The following SLC5A4 variants were observed in gnomAD, a reference collection of about 807,000 sequenced individuals.
The protein encoded by SLC5A4 is solute carrier family 5 member 4.
SLC5A4 carries 55 observed loss-of-function variants against 70.3 expected under a neutral mutation model. The observed-to-expected ratio is 0.78, with a 90% CI of 0.63 to 0.98. The LOEUF (loss-of-function observed/expected upper bound fraction) is 0.98. SLC5A4 is among the 50% of genes least tolerant of loss of function. The pLI is 0.00. For missense variants in SLC5A4, 735 were observed against 839.2 expected (o/e 0.88, Z 1.53); for synonymous variants, 268 against 305.7 (o/e 0.88, Z 1.29).
chr22:32,339,422 G>A, the SLC5A4 span, among the ~76,000 whole-genome samples: 1 of 152,170 alleles, frequency 6.6e-6, no homozygotes, highest in Non-Finnish European at 1.5e-5. Flanking sequence ...GTTGCCCACT[G>A]GCCCGTAGAC....
At chr22:32,311,576 G>A in the SLC5A4 span, among the ~76,000 whole-genome samples, 9 of 152,308 alleles carry the variant, frequency 5.9e-5, no homozygotes, top group Middle Eastern at 3.4e-3. Context: ...AATTCAAAGC[G>A]GGTGGATTTC....
intron 10 of SLC5A4, among the ~76,000 whole-genome samples, chr22:32,230,526 G>C (rs1213170118): frequency 6.6e-6 from 1 of 152,148 alleles, no homozygotes; most frequent in Non-Finnish European, 1.5e-5. Flanking sequence ...AGATTAAATA[G>C]ATTGAGATCT....
At chr22:32,230,913 C>G in intron 10 of SLC5A4, 55 bp downstream of exon 10, 3 of 1,067,892 alleles carry the variant, frequency 2.8e-6, no homozygotes, top group Non-Finnish European at 4.4e-6. Flanking sequence ...AACCCTTCCT[C>G]GAGGCCCGTC....
the SLC5A4 span, among the ~76,000 whole-genome samples, chr22:32,304,589 A>G: frequency 6.6e-6 from 1 of 152,052 alleles, no homozygotes; most frequent in East Asian, 1.9e-4. Context: ...CTGTTTTCTT[A>G]TGGTTGAGTT....
At chr22:32,233,464 A>T (rs892422312) in intron 8 of SLC5A4, among the ~76,000 whole-genome samples, 2 of 152,182 alleles carry the variant, frequency 1.3e-5, no homozygotes, top group East Asian at 3.9e-4. Context: ...GGACGGAATA[A>T]ACTAAGAAAG....
the SLC5A4 span, among the ~76,000 whole-genome samples, chr22:32,290,240 C>T: frequency 6.6e-6 from 1 of 152,124 alleles, no homozygotes; most frequent in Non-Finnish European, 1.5e-5. Flanking sequence ...CTAATGCTCT[C>T]CCTCCCCTTG....
chr22:32,323,954 C>T, the SLC5A4 span, among the ~76,000 whole-genome samples: 1 of 152,128 alleles, frequency 6.6e-6, no homozygotes, highest in Non-Finnish European at 1.5e-5. Flanking sequence ...CCGACTTTGG[C>T]AGAGGCCTCC....
At chr22:32,335,763 A>G in the SLC5A4 span, among the ~76,000 whole-genome samples, 1 of 152,090 alleles carries the variant, frequency 6.6e-6, no homozygotes, top group Non-Finnish European at 1.5e-5. Context: ...GACAGACTCA[A>G]TCCCAGAGCT....
chr22:32,234,921 A>C lies in SLC5A4; in HGVS notation c.837T>G (p.Ile279Met), dbSNP rs1403115148. 1.2e-6 allele frequency: 2 copies of C among 1,613,800 alleles called. No individual in the cohort carries two copies. Among genetic ancestry groups the C allele is most frequent in the East Asian group, 4.5e-5 (2 of 44,880 alleles). ...AVTGDIPWPG[I>M]IFGMPITALW... is the part of the protein sequence containing the mutation. The stretch of plus-strand genomic sequence containing the variant: ...AAGCTGTAATGGGCATTCCAAATAT[A>C]ATTCCTGGCCATGGAATGTCCCCAG... Residue 279 changes from isoleucine to methionine, a missense_variant, in exon 8 of 15, where the codon ATT (isoleucine) becomes ATG (methionine). Ile to Met is a conservative substitution (Grantham distance 10, BLOSUM62 1). Transcript: ENST00000266086.
chr22:32,263,159 C>T, the SLC5A4 span, among the ~76,000 whole-genome samples: 2 of 151,442 alleles, frequency 1.3e-5, no homozygotes, highest in African/African-American at 4.9e-5. Context: ...ACCACCATGC[C>T]TGGCTAGTTT....
chr22:32,330,583 G>GGTGTGT, the SLC5A4 span, among the ~76,000 whole-genome samples: 384 of 124,530 alleles, frequency 3.1e-3, 7 homozygotes, highest in Non-Finnish European at 4.9e-3. Context: ...TGGGGGCTGT[G>GGTGTGT]GTGTGTGTGT....
the SLC5A4 span, among the ~76,000 whole-genome samples, chr22:32,319,999 G>C: frequency 3.9e-5 from 6 of 151,994 alleles, no homozygotes; most frequent in African/African-American, 7.3e-5. Flanking sequence ...TCCAAGAAAT[G>C]GATCAATTTC....
the SLC5A4 span, among the ~76,000 whole-genome samples, chr22:32,311,420 T>C: frequency 7.9e-5 from 12 of 152,246 alleles, no homozygotes; most frequent in Admixed American, 2.6e-4. Context: ...ATGGAATGAG[T>C]GTGTCTACAC....
At chr22:32,233,974 T>C (rs1427368818) in intron 8 of SLC5A4, among the ~76,000 whole-genome samples, 2 of 152,028 alleles carry the variant, frequency 1.3e-5, no homozygotes, top group Non-Finnish European at 2.9e-5. Context: ...CTCTCCAAAA[T>C]TGTGATTGAC....
At chr22:32,331,789 C>T in the SLC5A4 span, among the ~76,000 whole-genome samples, 2 of 152,076 alleles carry the variant, frequency 1.3e-5, no homozygotes, top group South Asian at 4.2e-4. Flanking sequence ...CCATGCCCCT[C>T]GGCTGCCCTG....
chr22:32,265,938 A>T, the SLC5A4 span, among the ~76,000 whole-genome samples: 7 of 152,240 alleles, frequency 4.6e-5, no homozygotes, highest in Admixed American at 3.9e-4. Context: ...ATCAATACAA[A>T]TAAGAATAGT....
intron 13 of SLC5A4, among the ~76,000 whole-genome samples, chr22:32,221,843 T>C (rs532331921): frequency 1.3e-5 from 2 of 152,286 alleles, no homozygotes; most frequent in Non-Finnish European, 2.9e-5. Flanking sequence ...CTCCGCCTCC[T>C]GGGCTCAAGC....
chr22:32,255,765 G>C (rs115403860), upstream of SLC5A4, among the ~76,000 whole-genome samples: 2,469 of 152,294 alleles, frequency 0.016, 60 homozygotes, highest in African/African-American at 0.055. Context: ...TATATCCCTT[G>C]ACAGTGAAGT....
chr22:32,266,452 G>A, the SLC5A4 span, among the ~76,000 whole-genome samples: 13 of 152,276 alleles, frequency 8.5e-5, no homozygotes, highest in African/African-American at 3.1e-4. Context: ...CAATAGTCAT[G>A]CAAAAACTAA....
Sources: gnomAD v4.1 joint callset for allele counts (sites outside exome capture counted in the v4.1 genomes callset) on GRCh38, gnomAD v4.1.1 for gene constraint, MANE v1.5 for transcripts, NCBI Gene and HGNC (gene_info 2026-07-23, HGNC 2026-07-21) for gene names.